The following LRRC37A2 variants were observed in gnomAD, a reference collection of about 807,000 sequenced individuals.
LRRC37A2 encodes leucine rich repeat containing 37 member A2, also known as leucine-rich repeat-containing protein 37A2.
Under a neutral mutation model 68.8 loss-of-function variants are expected in LRRC37A2, and 9 were observed. The ratio of observed to expected loss-of-function variants is 0.13; its 90% CI spans 0.08 to 0.23. The LOEUF (loss-of-function observed/expected upper bound fraction) is 0.23, where lower values mean the gene tolerates loss of function less well. LRRC37A2 is among the 10% of genes least tolerant of loss of function. The probability of loss-of-function intolerance (pLI) is 1.00; values close to 1 mark genes in which losing one functional copy is unlikely to be tolerated. For missense variants in LRRC37A2, 168 were observed against 950.4 expected, an observed-to-expected ratio of 0.18 and a Z score of 10.82; for synonymous variants, 63 against 367.6, an observed-to-expected ratio of 0.17 and a Z score of 9.48.
chr17:46,773,619 T>TGGGGGGGGGGGGGGGGGGGGGGGGGGGG, the LRRC37A2 span: 1 of 549,848 alleles, frequency 1.8e-6, no homozygotes, highest in Non-Finnish European at 3.2e-6. Flanking sequence ...ACAGTCCTGA[T>TGGGGGGGGGGGGGGGGGGGGGGGGGGGG]CCCTCCCCCC....
chr17:46,474,751 A>AT, the LRRC37A2 span, among the ~76,000 whole-genome samples: 8 of 75,178 alleles, frequency 1.1e-4, 4 homozygotes, highest in African/African-American at 3.4e-4. Context: ...TTAGTTACAT[A>AT]ATATAACGAA....
At chr17:46,980,666 C>CAAAAAAAAAAAAAAAAG in the LRRC37A2 span, among the ~76,000 whole-genome samples, 1 of 83,886 alleles carries the variant, frequency 1.2e-5, no homozygotes, top group Non-Finnish European at 2.6e-5. Context: ...ACTAAAAATA[C>CAAAAAAAAAAAAAAAAG]AAAAAAAAAA....
chr17:46,783,590 G>A, the LRRC37A2 span, among the ~76,000 whole-genome samples: 1 of 152,186 alleles, frequency 6.6e-6, no homozygotes, highest in Non-Finnish European at 1.5e-5. Context: ...ATGGTCCCAA[G>A]GCACTTGTAA....
chr17:47,011,571 T>G, the LRRC37A2 span, among the ~76,000 whole-genome samples: 42 of 135,530 alleles, frequency 3.1e-4, no homozygotes, highest in African/African-American at 9.1e-4. Flanking sequence ...AAAAAAGTTG[T>G]TTTTTTTTTT....
the LRRC37A2 span, among the ~76,000 whole-genome samples, chr17:47,023,502 G>A: frequency 1.3e-5 from 2 of 152,182 alleles, no homozygotes; most frequent in African/African-American, 4.8e-5. Context: ...CCGATAGGGC[G>A]AAACCCCATC....
At chr17:47,028,371 T>C in the LRRC37A2 span, 1 of 1,438,700 alleles carries the variant, frequency 7.0e-7, no homozygotes, top group South Asian at 1.1e-5. Flanking sequence ...GTAAGTGAAA[T>C]AGAAGATGAA....
In LRRC37A2 at chr17:46,542,550, C is replaced by T. The variant is rs1268712398; in HGVS notation, c.3053+1669C>T. 2.4e-4 allele frequency among the ~76,000 whole-genome samples: 36 copies of T among 148,226 alleles called. 3 individuals are homozygous for T. The highest frequency in any genetic ancestry group is 9.4e-4 in the African/African-American group (36 of 38,324). Reference sequence around the variant, plus strand: ...AGATATAGATATATATATAAATCAGCCAGGTGTGGTGGCACACGCCTGTAG... The same window carrying T: ...AGATATAGATATATATATAAATCAGTCAGGTGTGGTGGCACACGCCTGTAG... On this transcript the variant is annotated intron_variant, in intron 8 of 14. Transcript: ENST00000576629.
At chr17:46,710,253 G>C in the LRRC37A2 span, among the ~76,000 whole-genome samples, 1 of 152,120 alleles carries the variant, frequency 6.6e-6, no homozygotes, top group Non-Finnish European at 1.5e-5. Context: ...AAATACTAAA[G>C]TTATTGACTA....
At chr17:47,033,208 T>G in the LRRC37A2 span, 1 of 576,702 alleles carries the variant, frequency 1.7e-6, no homozygotes, top group African/African-American at 2.7e-5. Context: ...GGCAACAGAG[T>G]GAGACTTCAT....
chr17:46,960,532 T>G, the LRRC37A2 span, among the ~76,000 whole-genome samples: 1 of 152,212 alleles, frequency 6.6e-6, no homozygotes, highest in Non-Finnish European at 1.5e-5. Context: ...AAAACTTTTG[T>G]TCACACATAC....
At chr17:46,972,561 G>A in the LRRC37A2 span, among the ~76,000 whole-genome samples, 30 of 152,344 alleles carry the variant, frequency 2.0e-4, 1 homozygote, top group East Asian at 5.4e-3. Context: ...CAATGTGACC[G>A]TTGGTGACGG....
chr17:46,820,246 A>C, the LRRC37A2 span, among the ~76,000 whole-genome samples: 5 of 152,250 alleles, frequency 3.3e-5, no homozygotes, highest in African/African-American at 1.2e-4. Flanking sequence ...CCTCGGGGGC[A>C]CCAAGGGTCG....
the LRRC37A2 span, among the ~76,000 whole-genome samples, chr17:46,657,259 T>G: frequency 5.0e-5 from 6 of 120,484 alleles, no homozygotes; most frequent in Admixed American, 1.7e-4. Flanking sequence ...GTTTTTGACA[T>G]GCACTGCCAA....
chr17:46,502,131 C>T, the LRRC37A2 span, among the ~76,000 whole-genome samples: 1 of 151,106 alleles, frequency 6.6e-6, no homozygotes, highest in Non-Finnish European at 1.5e-5. Flanking sequence ...ACTTCATAAG[C>T]TTTAGATTTT....
At chr17:46,610,027 T>TTCTCTC in the LRRC37A2 span, among the ~76,000 whole-genome samples, 1,042 of 108,820 alleles carry the variant, frequency 9.6e-3, 46 homozygotes, top group African/African-American at 0.016. Flanking sequence ...CTTTCTTTCT[T>TTCTCTC]TCTCTCTCTC....
At chr17:46,872,445 G>T in the LRRC37A2 span, 1 of 1,427,468 alleles carries the variant, frequency 7.0e-7, no homozygotes, top group Non-Finnish European at 9.2e-7. Context: ...CCCTGAGGAG[G>T]CCCCTTCCCT....
At chr17:46,840,161 A>G in the LRRC37A2 span, among the ~76,000 whole-genome samples, 1 of 147,530 alleles carries the variant, frequency 6.8e-6, no homozygotes, top group Non-Finnish European at 1.5e-5. Context: ...ATCTCGGCTC[A>G]CTGCAAGCTC....
the LRRC37A2 span, among the ~76,000 whole-genome samples, chr17:46,395,441 C>CTGAGGCGGGAAGATTGCT: frequency 1.3e-5 from 2 of 148,626 alleles, no homozygotes; most frequent in African/African-American, 5.0e-5. Flanking sequence ...CTTTGGGAGA[C>CTGAGGCGGGAAGATTGCT]TGAGGCGGGA....
chr17:46,941,035 G>T, the LRRC37A2 span: 1 of 1,091,990 alleles, frequency 9.2e-7, no homozygotes, highest in Non-Finnish European at 1.1e-6. Flanking sequence ...CTTAGGTCGA[G>T]CTGATGCAAG....
Sources: allele counts gnomAD v4.1 joint callset (sites outside exome capture counted in the v4.1 genomes callset), GRCh38; gene constraint gnomAD v4.1.1; transcripts MANE v1.5; gene names NCBI Gene and HGNC (gene_info 2026-07-23, HGNC 2026-07-21).